FMN2: variants seen among roughly 807,000 people sequenced by gnomAD.
FMN2 encodes the protein formin-2.
In FMN2, 51 loss-of-function variants were observed where a neutral mutation model predicts 142.3. The ratio of observed to expected loss-of-function variants is 0.36; its 90% CI spans 0.29 to 0.45. The LOEUF (loss-of-function observed/expected upper bound fraction) is 0.45, where lower values mean the gene tolerates loss of function less well. Ranked by LOEUF, FMN2 falls within the 20% of genes least tolerant of loss-of-function variation. The probability of loss-of-function intolerance (pLI) is 1.00; values close to 1 mark genes in which losing one functional copy is unlikely to be tolerated. For missense variants in FMN2, 1,936 were observed against 2,122.8 expected (o/e 0.91, Z 1.73); for synonymous variants, 882 against 869.8 (o/e 1.01, Z -0.25).
In FMN2 at chr1:240,138,064, CAAAAAAAA is replaced by C. The variant is rs369637580; in HGVS notation, c.1782+14734_1782+14741del. Among the ~76,000 whole-genome samples, 71 of 95,582 alleles carry C rather than the reference CAAAAAAAA, an allele frequency of 7.4e-4. 1 individual carries two copies. The highest frequency in any genetic ancestry group is 8.9e-4 in the Admixed American group (9 of 10,072). 62.7% of individuals were successfully genotyped at this position (95,582 alleles called of 152,430 possible). On this transcript the variant is annotated intron_variant, in intron 2 of 17. Coordinates refer to ENST00000319653, the MANE Select transcript of FMN2 (RefSeq NM_020066.5). ...TGGGTGATAGAGCAAGACTCCATCT[CAAAAAAAA>C]AAAAAAAAAAAAAAGTAAAAAGAAA... is the stretch of plus-strand genomic sequence containing the variant.
chr1:240,257,871 G>A lies in FMN2; in HGVS notation c.4066-74G>A, dbSNP rs1668499741. On this transcript the variant is annotated intron_variant, in intron 6 of 17. Transcript: ENST00000319653. ...TTCTCTGAATTTGTTCTTCATTTAG[G>A]ATTTTTTAAAATGCTAGTAAGCATA... 4.1e-6 allele frequency: 5 copies of A among 1,225,626 alleles called. No homozygotes were observed. In the Admixed American group the frequency reaches 5.7e-5, roughly 14 times the overall value. The allele number at this position is 1,225,626 out of a possible 1,614,324, so 75.9% of individuals were successfully genotyped here.
In FMN2 at chr1:240,231,247, A is replaced by G. The variant is rs949435223; in HGVS notation, c.4065+20012A>G. On this transcript the variant is annotated intron_variant, in intron 6 of 17. Coordinates refer to ENST00000319653, the MANE Select transcript of FMN2 (RefSeq NM_020066.5). ...CACATTAAGCCTTCCAAAAAATAAA[A>G]CAATACAAACTTGCCAAATATAAGA... 3.0e-5 allele frequency among the ~76,000 whole-genome samples: 4 copies of G among 132,702 alleles called. 1 individual carries two copies. Among genetic ancestry groups the G allele is most frequent in the Admixed American group, 2.9e-4 (4 of 13,938 alleles). 87.1% of individuals were successfully genotyped at this position (132,702 alleles called of 152,430 possible).
rs75626351 is a variant in FMN2, at chr1:240,422,521, A to G, written c.4911-15540A>G. On this transcript the variant is annotated intron_variant, in intron 15 of 17. Coordinates refer to ENST00000319653, the MANE Select transcript of FMN2 (RefSeq NM_020066.5). ...ATTTTTTGGTGATACTGTAAGTTAT[A>G]TAATTTTTATTTCAAGTTTTAATTA... 8.6e-3 allele frequency among the ~76,000 whole-genome samples: 1,316 copies of G among 152,264 alleles called. 18 individuals carry two copies. Among genetic ancestry groups the G allele is most frequent in the African/African-American group, 0.03 (1,253 of 41,550 alleles).
intron 3 of FMN2, among the ~76,000 whole-genome samples, chr1:240,179,157 T>C (rs1558340671): frequency 6.6e-6 from 1 of 152,204 alleles, no homozygotes; most frequent in Non-Finnish European, 1.5e-5. Flanking sequence ...AGCATTAGAA[T>C]GTAGAATGCA....
chr1:240,145,530 ATTTTTTTTTT>A lies in FMN2; in HGVS notation c.1782+22205_1782+22214del, dbSNP rs71168902. On this transcript the variant is annotated intron_variant, in intron 2 of 17. Transcript: ENST00000319653. ...AGGCAATTTTTCTTTTTCTTTTTCTATTTTTTTTTTTTTTTTTTTTTTTTTTTTTGAGACA... is the reference window on the plus strand; with the variant it reads ...AGGCAATTTTTCTTTTTCTTTTTCTATTTTTTTTTTTTTTTTTTTGAGACA... 2.3e-3 allele frequency: 194 copies of A among 84,506 alleles called. 2 individuals are homozygous for A. The highest frequency in any genetic ancestry group is 0.017 in the East Asian group (52 of 2,972). The allele number at this position is 84,506 out of a possible 1,614,324, so 5.2% of individuals were successfully genotyped here.
At chr1:240,199,358 T>C (rs1031117638) in intron 4 of FMN2, among the ~76,000 whole-genome samples, 3 of 152,204 alleles carry the variant, frequency 2.0e-5, no homozygotes, top group African/African-American at 7.2e-5. Flanking sequence ...TTTAAAAGTA[T>C]CCTGCTTACA....
At chr1:240,430,982 T>C (rs945021756) in intron 15 of FMN2, among the ~76,000 whole-genome samples, 1 of 141,602 alleles carries the variant, frequency 7.1e-6, no homozygotes, top group African/African-American at 2.6e-5. Flanking sequence ...TCAGTCCCTT[T>C]AAAAAAAAAA....
chr1:240,114,780 C>G (rs956340878), intron 1 of FMN2, among the ~76,000 whole-genome samples: 1 of 151,350 alleles, frequency 6.6e-6, no homozygotes, highest in Non-Finnish European at 1.5e-5. Flanking sequence ...GCCTCAACTT[C>G]CAGAGCAGCT....
chr1:240,221,860 T>TC (rs1297478987), intron 6 of FMN2, among the ~76,000 whole-genome samples: 2 of 150,618 alleles, frequency 1.3e-5, no homozygotes, highest in Non-Finnish European at 1.5e-5. Context: ...TTTTTTTTTT[T>TC]TTTTTTTAAT....
At chr1:240,461,383 G>A (rs1324673793) in intron 16 of FMN2, among the ~76,000 whole-genome samples, 4 of 152,058 alleles carry the variant, frequency 2.6e-5, no homozygotes, top group African/African-American at 7.2e-5. Flanking sequence ...TCCTAGCTCT[G>A]CATTTGGCAC....
chr1:240,355,136 G>A (rs1018066337), intron 13 of FMN2, among the ~76,000 whole-genome samples: 2 of 152,052 alleles, frequency 1.3e-5, no homozygotes, highest in Admixed American at 6.6e-5. Context: ...TATTATCTGT[G>A]GACTCTTGGG....
intron 2 of FMN2, among the ~76,000 whole-genome samples, chr1:240,141,494 A>G (rs1204088313): frequency 1.3e-5 from 2 of 151,748 alleles, no homozygotes; most frequent in Non-Finnish European, 2.9e-5. Context: ...CAGCCTCCCG[A>G]GTAGCTGGGA....
intron 2 of FMN2, among the ~76,000 whole-genome samples, chr1:240,148,517 G>A (rs1354594812): frequency 6.6e-6 from 1 of 150,900 alleles, no homozygotes; most frequent in East Asian, 1.9e-4. Flanking sequence ...GAGAAGGAGA[G>A]AGAGAGACTG....
chr1:240,427,577 G>C (rs920511486), intron 15 of FMN2, among the ~76,000 whole-genome samples: 1 of 152,124 alleles, frequency 6.6e-6, no homozygotes, highest in Non-Finnish European at 1.5e-5. Flanking sequence ...ATAAGTAGAT[G>C]ATATCTCTTA....
intron 2 of FMN2, among the ~76,000 whole-genome samples, chr1:240,127,610 T>C (rs1662567502): frequency 6.6e-6 from 1 of 152,084 alleles, no homozygotes; most frequent in African/African-American, 2.4e-5. Context: ...TCCAAGTAGC[T>C]GGAACTATAG....
At chr1:240,454,717 C>T (rs968240392) in intron 16 of FMN2, among the ~76,000 whole-genome samples, 1 of 152,080 alleles carries the variant, frequency 6.6e-6, no homozygotes, top group Non-Finnish European at 1.5e-5. Context: ...AGCATAGAAA[C>T]ACAGAGGTTG....
At chr1:240,372,541 A>G (rs1672902127) in intron 14 of FMN2, among the ~76,000 whole-genome samples, 1 of 150,778 alleles carries the variant, frequency 6.6e-6, no homozygotes, top group Non-Finnish European at 1.5e-5. Flanking sequence ...TATATTATAT[A>G]TGCTATGTTT....
chr1:240,181,232 G>C (rs936111669), intron 3 of FMN2, among the ~76,000 whole-genome samples: 1 of 151,938 alleles, frequency 6.6e-6, no homozygotes, highest in African/African-American at 2.4e-5. Flanking sequence ...TTGAACTCCT[G>C]ACCTCAGGTG....
chr1:240,238,997 C>A (rs1318046632), intron 6 of FMN2, among the ~76,000 whole-genome samples: 1 of 151,810 alleles, frequency 6.6e-6, no homozygotes, highest in Non-Finnish European at 1.5e-5. Flanking sequence ...ATAAATGGAG[C>A]CTTCAGGAGT....
Sources: gnomAD v4.1 joint callset for allele counts (sites outside exome capture counted in the v4.1 genomes callset) on GRCh38, gnomAD v4.1.1 for gene constraint, MANE v1.5 for transcripts, NCBI Gene and HGNC (gene_info 2026-07-23, HGNC 2026-07-21) for gene names.